Variants in MRAP2 observed in about 807,000 individuals in gnomAD.
MRAP2 encodes melanocortin-2 receptor accessory protein 2.
MRAP2 carries 20 observed loss-of-function variants against 17.4 expected under a neutral mutation model. That is an observed-to-expected ratio of 1.15 (90% confidence interval 0.81 to 1.67). MRAP2 has a LOEUF of 1.67. Among genes scored for constraint, MRAP2 ranks in the 40% most tolerant of loss-of-function variants. The pLI, the probability that MRAP2 is intolerant of heterozygous loss-of-function variation, is 0.00. For synonymous variants in MRAP2, 96 were observed against 88.4 expected (o/e 1.09, Z -0.48); for missense variants, 238 against 240.0 (o/e 0.99, Z 0.05).
chr6:84,136,232 G>T, the MRAP2 span, among the ~76,000 whole-genome samples: 1 of 151,340 alleles, frequency 6.6e-6, no homozygotes, highest in East Asian at 1.9e-4. Flanking sequence ...TGGTTTAGAG[G>T]TGGGCACATG....
chr6:84,109,530 G>A, the MRAP2 span, among the ~76,000 whole-genome samples: 10 of 152,096 alleles, frequency 6.6e-5, no homozygotes, highest in South Asian at 2.1e-4. Context: ...TTTGTATACC[G>A]AAGTTGCTTA....
At chr6:84,059,793 C>T (rs2099492632) in intron 2 of MRAP2, among the ~76,000 whole-genome samples, 1 of 152,216 alleles carries the variant, frequency 6.6e-6, no homozygotes, top group Admixed American at 6.5e-5. Context: ...CTTCTTTTGA[C>T]TTTCTTAACC....
upstream of MRAP2, chr6:84,033,705 G>A (rs1209423097): frequency 3.0e-6 from 3 of 985,128 alleles, no homozygotes; most frequent in Non-Finnish European, 3.6e-6. Context: ...CCCTGCTCCG[G>A]CGCCCCGCGC....
At chr6:84,062,491 T>G (rs1344978059) in intron 2 of MRAP2, 1 of 958,398 alleles carries the variant, frequency 1.0e-6, no homozygotes, top group Non-Finnish European at 1.2e-6. Context: ...TAAATTTAAT[T>G]TGTCTAAAGT....
At chr6:84,138,879 C>T in the MRAP2 span, among the ~76,000 whole-genome samples, 1,413 of 152,270 alleles carry the variant, frequency 9.3e-3, 16 homozygotes, top group African/African-American at 0.032. Context: ...GAAAAGAATG[C>T]ACAATGCTGA....
At chr6:84,035,329 T>C in intron 1 of MRAP2, 1 of 671,556 alleles carries the variant, frequency 1.5e-6, no homozygotes, top group Non-Finnish European at 1.8e-6. Context: ...GGCAACATTC[T>C]AGAACAAATT....
intron 3 of MRAP2, among the ~76,000 whole-genome samples, chr6:84,065,303 A>G (rs115064140): frequency 0.13 from 20,128 of 151,804 alleles, 1,443 homozygotes; most frequent in Middle Eastern, 0.26. Flanking sequence ...AAAAAATTTA[A>G]ACACAAACAT....
At chr6:84,098,145 G>A in the MRAP2 span, among the ~76,000 whole-genome samples, 1 of 151,720 alleles carries the variant, frequency 6.6e-6, no homozygotes, top group Non-Finnish European at 1.5e-5. Context: ...CTACAGATCT[G>A]CTTTGCATTA....
At chr6:84,102,193 G>C in the MRAP2 span, among the ~76,000 whole-genome samples, 1 of 151,352 alleles carries the variant, frequency 6.6e-6, no homozygotes, top group African/African-American at 2.4e-5. Context: ...TGAAGGAAGG[G>C]GAGTGTTGTA....
chr6:84,108,126 G>A, the MRAP2 span, among the ~76,000 whole-genome samples: 1 of 152,098 alleles, frequency 6.6e-6, no homozygotes, highest in South Asian at 2.1e-4. Flanking sequence ...TATGATGACA[G>A]GTTGGCTAAA....
the MRAP2 span, among the ~76,000 whole-genome samples, chr6:84,118,461 C>G: frequency 6.6e-6 from 1 of 152,200 alleles, no homozygotes; most frequent in Non-Finnish European, 1.5e-5. Flanking sequence ...GCTGGAGGCC[C>G]TGGCTGGGAG....
chr6:84,125,621 T>C, the MRAP2 span, among the ~76,000 whole-genome samples: 1 of 152,064 alleles, frequency 6.6e-6, no homozygotes, highest in Non-Finnish European at 1.5e-5. Flanking sequence ...GAAGAGATCA[T>C]CACCAGAAGA....
chr6:84,100,249 T>C, the MRAP2 span, among the ~76,000 whole-genome samples: 1 of 152,108 alleles, frequency 6.6e-6, no homozygotes. Context: ...ATCAGTTTTT[T>C]ATTTTTATTT....
the MRAP2 span, among the ~76,000 whole-genome samples, chr6:84,117,072 G>C: frequency 6.6e-6 from 1 of 151,184 alleles, no homozygotes; most frequent in Admixed American, 6.6e-5. Context: ...GCCCAGTCTG[G>C]AGTGTAGTGG....
chr6:84,131,773 G>A, the MRAP2 span, among the ~76,000 whole-genome samples: 1 of 152,108 alleles, frequency 6.6e-6, no homozygotes, highest in Non-Finnish European at 1.5e-5. Context: ...ACAGCACACT[G>A]ATGGGTTTTG....
At chr6:84,143,434 A>C in the MRAP2 span, among the ~76,000 whole-genome samples, 1 of 152,044 alleles carries the variant, frequency 6.6e-6, no homozygotes, top group East Asian at 1.9e-4. Flanking sequence ...GATAAGGGAA[A>C]CAACTTTGTA....
At chr6:84,037,087 A>C (rs1317015667) in intron 1 of MRAP2, among the ~76,000 whole-genome samples, 1 of 152,066 alleles carries the variant, frequency 6.6e-6, no homozygotes, top group Non-Finnish European at 1.5e-5. Context: ...CCAGCTAGAC[A>C]TAAAAGTTCT....
chr6:84,045,401 C>G, intron 1 of MRAP2: 1 of 985,004 alleles, frequency 1.0e-6, no homozygotes, highest in Non-Finnish European at 1.2e-6. Context: ...TGCTCTGGAG[C>G]CACCTCCACG....
downstream of MRAP2, among the ~76,000 whole-genome samples, chr6:84,093,690 G>A (rs1369204694): frequency 6.6e-6 from 1 of 152,148 alleles, no homozygotes; most frequent in African/African-American, 2.4e-5. Flanking sequence ...CTAGCGCTTG[G>A]GCAGTGGCTT....
Sources: gnomAD v4.1 joint callset for allele counts (sites outside exome capture counted in the v4.1 genomes callset) on GRCh38, gnomAD v4.1.1 for gene constraint, MANE v1.5 for transcripts, NCBI Gene and HGNC (gene_info 2026-07-23, HGNC 2026-07-21) for gene names.